The following DDX50 variants were observed in gnomAD, a reference collection of about 807,000 sequenced individuals.
DDX50 encodes the protein ATP-dependent RNA helicase DDX50.
DDX50 carries 56 observed loss-of-function variants against 94.8 expected under a neutral mutation model. The observed-to-expected ratio is 0.59, with a 90% CI of 0.48 to 0.74. The LOEUF is 0.74. DDX50 is among the 30% of genes least tolerant of loss of function. The probability of loss-of-function intolerance (pLI) is 0.00; values close to 1 mark genes in which losing one functional copy is unlikely to be tolerated. For missense variants in DDX50, 713 were observed against 881.2 expected (o/e 0.81, Z 2.42); for synonymous variants, 264 against 295.4 (o/e 0.89, Z 1.09).
intron 1 of DDX50, 86 bp downstream of exon 1, chr10:68,901,557 CA>C: frequency 7.2e-7 from 1 of 1,390,372 alleles, no homozygotes; most frequent in Non-Finnish European, 9.7e-7. Flanking sequence ...GATGGCCTGT[CA>C]GAACCGGGCC....
chr10:68,946,752 C>T lies in DDX50; in HGVS notation c.*122C>T, dbSNP rs1564621336. The T allele has an allele frequency of 3.1e-6, 4 of 1,289,468 alleles. No homozygotes were observed. Among genetic ancestry groups the T allele is most frequent in the South Asian group, 1.5e-5 (1 of 66,790 alleles). The allele number at this position is 1,289,468 out of a possible 1,614,324, so 79.9% of individuals were successfully genotyped here. A position where few individuals can be genotyped will look rare whatever the true frequency, so the allele number is the denominator to read the frequency against. ...GTCTGCTATTTGCAAAGAAGTTGGT[C>T]GTATTTTTTTAAAAAGTATTTCACA... On this transcript the variant is annotated 3_prime_UTR_variant, in exon 15 of 15. Transcript: ENST00000373585.
At chr10:68,929,074 G>A (rs999330750) in intron 8 of DDX50, among the ~76,000 whole-genome samples, 5 of 151,880 alleles carry the variant, frequency 3.3e-5, no homozygotes, top group Non-Finnish European at 5.9e-5. Context: ...TCAGCCTCCC[G>A]AAGCTTGTAT....
At chr10:68,930,916 T>A (rs544084415) in intron 8 of DDX50, among the ~76,000 whole-genome samples, 2 of 152,294 alleles carry the variant, frequency 1.3e-5, no homozygotes, top group East Asian at 3.9e-4. Flanking sequence ...CCTCCCAAAG[T>A]GCTGGGATTA....
At chr10:68,940,776 CTTG>C (rs1358388098) in intron 12 of DDX50, among the ~76,000 whole-genome samples, 1 of 152,064 alleles carries the variant, frequency 6.6e-6, no homozygotes, top group Non-Finnish European at 1.5e-5. Flanking sequence ...TCTTCACTAC[CTTG>C]TTGTCTTTCT....
At position 68,901,485 on chromosome 10, in the gene DDX50, G is replaced by C; in HGVS notation, c.87+14G>C. 8 of 1,556,404 alleles carry C rather than the reference G, an allele frequency of 5.1e-6. No individual in the cohort carries two copies. The highest frequency in any genetic ancestry group is 7.0e-6 in the Non-Finnish European group (8 of 1,150,370). ...GAGAGGCAAAAGGTGCGCTGAGCAT[G>C]GGCCGCGCCTCCTTTTGGGCTGCGC... is the stretch of plus-strand genomic sequence containing the variant. On this transcript the variant is annotated intron_variant, in intron 1 of 14. Transcript: ENST00000373585.
chr10:68,920,979 A>G (rs1841925708), intron 8 of DDX50, among the ~76,000 whole-genome samples: 1 of 151,760 alleles, frequency 6.6e-6, no homozygotes, highest in Non-Finnish European at 1.5e-5. Context: ...GGGAAAAAAA[A>G]AACCTTTTAA....
chr10:68,916,263 A>C (rs545551586), intron 7 of DDX50, among the ~76,000 whole-genome samples: 1 of 151,370 alleles, frequency 6.6e-6, no homozygotes, highest in African/African-American at 2.4e-5. Flanking sequence ...CTGAGGCAGG[A>C]GAATTGCTTG....
rs547766382 is a variant in DDX50, at chr10:68,943,224, T to C, written c.1902T>C (p.Phe634=). The C allele has an allele frequency of 2.4e-4, 379 of 1,608,946 alleles. 5 individuals are homozygous for C. In the South Asian group the frequency reaches 4.1e-3, roughly 17 times the overall value. The change falls in exon 14 of 15, where the codon TTT becomes TTC. Residue 634 remains phenylalanine, a synonymous_variant. Coordinates refer to ENST00000373585, the MANE Select transcript of DDX50 (RefSeq NM_024045.2). ...CLLKGNMGVC[F]DVPTTESERL... Reference sequence around the variant, plus strand: ...TGTTTTGCTTTTAGGGTGTTTGCTTTGATGTTCCTACAACTGAGTCAGAAA... The same window carrying C: ...TGTTTTGCTTTTAGGGTGTTTGCTTCGATGTTCCTACAACTGAGTCAGAAA...
In DDX50 at chr10:68,946,631, G is replaced by A; in HGVS notation, c.*1G>A. On this transcript the variant is annotated 3_prime_UTR_variant, in exon 15 of 15. Transcript: ENST00000373585. ...GGGCCACAAACGGAGTTTTGACTGA[G>A]TATTTGATAGTTAATCTACCAGTGT... 1 of 1,610,310 alleles carries A rather than the reference G, an allele frequency of 6.2e-7. No homozygotes were observed. The highest frequency in any genetic ancestry group is 8.5e-7 in the Non-Finnish European group (1 of 1,177,558).
At chr10:68,945,417 C>T (rs191183986) in intron 14 of DDX50, among the ~76,000 whole-genome samples, 112 of 152,198 alleles carry the variant, frequency 7.4e-4, no homozygotes, top group African/African-American at 2.3e-3. Context: ...AGCAATTCTC[C>T]TGCGTCAGCT....
intron 8 of DDX50, among the ~76,000 whole-genome samples, chr10:68,923,720 A>G (rs925014421): frequency 7.3e-5 from 11 of 150,614 alleles, no homozygotes; most frequent in African/African-American, 2.7e-4. Flanking sequence ...ATTTTTGTAT[A>G]TTTAGTAGAG....
intron 8 of DDX50, among the ~76,000 whole-genome samples, chr10:68,925,063 G>A (rs1037906344): frequency 2.7e-5 from 4 of 146,742 alleles, no homozygotes; most frequent in Non-Finnish European, 4.5e-5. Flanking sequence ...ATTCCCCCAC[G>A]TAGATACAAG....
chr10:68,906,712 G>A lies in DDX50; in HGVS notation c.89G>A (p.Ser30Asn), dbSNP rs1157326613. The A allele has an allele frequency of 1.9e-6, 3 of 1,605,204 alleles. No individual in the cohort carries two copies. Among genetic ancestry groups the A allele is most frequent in the Non-Finnish European group, 2.5e-6 (3 of 1,178,130 alleles). ...CATTGCTTCTTTGTTTGTTCACAGA[G>A]TGACAGAAGGAAGTCAAGGCACCAT... ...SESQKKERQK[S>N]DRRKSRHHYD... The change falls in exon 2 of 15, where the codon AGT (serine) becomes AAT (asparagine). Residue 30 changes from serine (S) to asparagine (N), a missense_variant and splice_region_variant. Coordinates refer to ENST00000373585, the MANE Select transcript of DDX50 (RefSeq NM_024045.2).
rs985572877 is a variant in DDX50, at chr10:68,901,315, C to T, written c.-70C>T. The T allele has an allele frequency of 5.6e-6, 8 of 1,432,448 alleles. No individual in the cohort carries two copies. The highest frequency in any genetic ancestry group is 2.9e-5 in the African/African-American group (2 of 68,510). The allele number at this position is 1,432,448 out of a possible 1,614,324, so 88.7% of individuals were successfully genotyped here. A position where few individuals can be genotyped will look rare whatever the true frequency, so the allele number is the denominator to read the frequency against. ...CCGGGCGGCCGCCTTGCCCCCGCTTCCTTTCACGCTGTCGCTGCCCGTAGG... is the reference window on the plus strand; with the variant it reads ...CCGGGCGGCCGCCTTGCCCCCGCTTTCTTTCACGCTGTCGCTGCCCGTAGG... On this transcript the variant is annotated 5_prime_UTR_variant, in exon 1 of 15. Coordinates refer to ENST00000373585, the MANE Select transcript of DDX50 (RefSeq NM_024045.2).
chr10:68,914,204 A>C lies in DDX50; in HGVS notation c.1089A>C (p.Glu363Asp). The C allele has an allele frequency of 6.2e-7, 1 of 1,609,584 alleles. No individual in the cohort carries two copies. Among genetic ancestry groups the C allele is most frequent in the Non-Finnish European group, 8.5e-7 (1 of 1,178,762 alleles). Residue 363 changes from glutamate to aspartate, a missense_variant and splice_region_variant, in exon 7 of 15, where the codon GAA (glutamate) becomes GAC (aspartate). Glu to Asp is a conservative substitution (Grantham distance 45). Coordinates refer to ENST00000373585, the MANE Select transcript of DDX50 (RefSeq NM_024045.2). The stretch of plus-strand genomic sequence containing the variant: ...CTCAAAAGGCTGCAACTACTGTGGA[A>C]GTAAGTAGCTTTCTAGCATGATAGA... ...KMTQKAATTV[E>D]HLAIQCHWSQ...
intron 13 of DDX50, among the ~76,000 whole-genome samples, chr10:68,942,647 C>A (rs1235938460): frequency 6.6e-6 from 1 of 151,700 alleles, no homozygotes; most frequent in Non-Finnish European, 1.5e-5. Context: ...AGGGTCTCAC[C>A]CTGTCACCCA....
intron 8 of DDX50, among the ~76,000 whole-genome samples, chr10:68,923,469 G>A (rs1415188551): frequency 2.6e-5 from 4 of 151,540 alleles, no homozygotes; most frequent in African/African-American, 7.3e-5. Context: ...GCCTCCCAAA[G>A]TGCTGGGATT....
At chr10:68,909,413 T>G (rs771192765) in intron 2 of DDX50, among the ~76,000 whole-genome samples, 3 of 152,218 alleles carry the variant, frequency 2.0e-5, no homozygotes, top group Non-Finnish European at 4.4e-5. Context: ...TTACGGTAAC[T>G]TTCTCTTGTA....
chr10:68,906,472 G>T (rs2132020727), intron 1 of DDX50: 2 of 386,338 alleles, frequency 5.2e-6, no homozygotes, highest in Admixed American at 4.6e-5. Context: ...TAAATCTTAT[G>T]ATGGGATTAG....
Sources: gnomAD v4.1 joint callset for allele counts (sites outside exome capture counted in the v4.1 genomes callset) on GRCh38, gnomAD v4.1.1 for gene constraint, MANE v1.5 for transcripts, NCBI Gene and HGNC (gene_info 2026-07-23, HGNC 2026-07-21) for gene names.